The following METTL22 variants were observed in gnomAD, a reference collection of about 807,000 sequenced individuals.
METTL22 encodes methyltransferase 22, Kin17 lysine, also known as methyltransferase-like protein 22.
Under a neutral mutation model 48.4 loss-of-function variants are expected in METTL22, and 51 were observed. That is an observed-to-expected ratio of 1.05 (90% CI 0.84 to 1.33). The LOEUF (loss-of-function observed/expected upper bound fraction) is 1.33, where lower values mean the gene tolerates loss of function less well. METTL22 is among the 40% of genes most tolerant of loss of function. METTL22 has a pLI of 0.00. For missense variants in METTL22, 678 were observed against 526.9 expected, an observed-to-expected ratio of 1.29 and a Z score of -2.81; for synonymous variants, 255 against 214.1, an observed-to-expected ratio of 1.19 and a Z score of -1.67.
chr16:8,642,513 C>G lies in METTL22; in HGVS notation c.958C>G (p.Leu320Val). 6.2e-7 allele frequency: 1 copy of G among 1,614,248 alleles called. No homozygotes were observed. The highest frequency in any genetic ancestry group is 1.1e-5 in the South Asian group (1 of 91,084). The change falls in exon 9 of 11, where the codon CTC becomes GTC. Residue 320 changes from leucine (L) to valine (V), a missense_variant. Leu to Val is a conservative substitution (Grantham distance 32). Coordinates refer to ENST00000381920, the MANE Select transcript of METTL22 (RefSeq NM_024109.4). ...TDAVFKTLSR[L>V]AHRLKNACTA... ...TGCTGTGTTTAAAACGCTCTCCCGACTCGCCCACAGATTGAAAAATGCCTG... is the reference window on the plus strand; with the variant it reads ...TGCTGTGTTTAAAACGCTCTCCCGAGTCGCCCACAGATTGAAAAATGCCTG...
chr16:8,630,640 G>A (rs948493659), intron 3 of METTL22, among the ~76,000 whole-genome samples: 1 of 152,176 alleles, frequency 6.6e-6, no homozygotes, highest in Non-Finnish European at 1.5e-5. Flanking sequence ...TGTTGTGTCT[G>A]TAGTGAATGT....
chr16:8,663,668 G>T, the METTL22 span, among the ~76,000 whole-genome samples: 1 of 152,138 alleles, frequency 6.6e-6, no homozygotes, highest in Non-Finnish European at 1.5e-5. Flanking sequence ...CAGCCCTGTG[G>T]GGTAAGTACT....
chr16:8,630,999 C>T (rs1567231357), intron 3 of METTL22, among the ~76,000 whole-genome samples: 1 of 152,210 alleles, frequency 6.6e-6, no homozygotes, highest in Non-Finnish European at 1.5e-5. Context: ...CACTCAGAAC[C>T]ACATGGTCAG....
chr16:8,646,008 T>C, intron 10 of METTL22, 100 bp from the exon 11 acceptor site: 1 of 1,559,956 alleles, frequency 6.4e-7, no homozygotes, highest in Non-Finnish European at 8.7e-7. Flanking sequence ...GGCTGACGTG[T>C]TGTCTAACTA....
chr16:8,630,538 G>A (rs1455398518), intron 3 of METTL22, among the ~76,000 whole-genome samples: 1 of 152,126 alleles, frequency 6.6e-6, no homozygotes, highest in East Asian at 1.9e-4. Context: ...GCTTCTCAGG[G>A]GGGCCGACGA....
intron 1 of METTL22, among the ~76,000 whole-genome samples, chr16:8,622,526 A>G (rs2055887980): frequency 6.6e-6 from 1 of 152,190 alleles, no homozygotes; most frequent in South Asian, 2.1e-4. Context: ...CCCAGTAAAG[A>G]GAGGAGCCCG....
At chr16:8,639,913 G>A (rs941658258) in intron 6 of METTL22, among the ~76,000 whole-genome samples, 2 of 151,710 alleles carry the variant, frequency 1.3e-5, no homozygotes, top group Non-Finnish European at 2.9e-5. Context: ...CGACCTCACC[G>A]TCTTTCAAAT....
chr16:8,650,117 G>A (rs138182639), downstream of METTL22, among the ~76,000 whole-genome samples: 12 of 152,340 alleles, frequency 7.9e-5, no homozygotes, highest in African/African-American at 2.9e-4. Context: ...CTTGAGGACA[G>A]GAGTTTGAGA....
At chr16:8,655,296 G>A in the METTL22 span, among the ~76,000 whole-genome samples, 1 of 152,150 alleles carries the variant, frequency 6.6e-6, no homozygotes, top group African/African-American at 2.4e-5. Context: ...CCACATTGAG[G>A]CTCCCTCTTG....
chr16:8,622,550 C>T (rs2055889282), intron 1 of METTL22, among the ~76,000 whole-genome samples: 1 of 152,172 alleles, frequency 6.6e-6, no homozygotes, highest in Non-Finnish European at 1.5e-5. Flanking sequence ...CCCATACAGA[C>T]CCTGCATTTC....
chr16:8,637,672 G>A (rs2056463454), intron 5 of METTL22, among the ~76,000 whole-genome samples: 1 of 152,192 alleles, frequency 6.6e-6, no homozygotes, highest in Non-Finnish European at 1.5e-5. Flanking sequence ...GTCACGTGGT[G>A]GAATTTCAGA....
intron 8 of METTL22, 97 bp downstream of exon 8, chr16:8,642,304 T>C: frequency 1.5e-6 from 2 of 1,303,196 alleles, no homozygotes; most frequent in Non-Finnish European, 2.2e-6. Context: ...GTTTTAGAAG[T>C]GACTTTCTGG....
the METTL22 span, among the ~76,000 whole-genome samples, chr16:8,655,092 T>C: frequency 1.3e-5 from 2 of 152,218 alleles, no homozygotes; most frequent in Non-Finnish European, 2.9e-5. Context: ...GGAAAGGAAC[T>C]GTATTATCTA....
intron 5 of METTL22, 71 bp from the exon 6 acceptor site, chr16:8,639,020 C>A: frequency 7.3e-7 from 1 of 1,374,686 alleles, no homozygotes; most frequent in Non-Finnish European, 9.7e-7. Context: ...ACAGCTCTCT[C>A]TAGGCAAAAA....
At chr16:8,644,400 G>T in intron 9 of METTL22, 157 bp from the exon 10 acceptor site, 1 of 664,940 alleles carries the variant, frequency 1.5e-6, no homozygotes, top group South Asian at 2.2e-5. Context: ...ATGTAGGAAG[G>T]AATTGCACTC....
rs758492493 is a variant in METTL22 at position 8,646,568 on chromosome 16, C to A, written c.*425C>A. On this transcript the variant is annotated 3_prime_UTR_variant, in exon 11 of 11. Transcript: ENST00000381920. Reference sequence around the variant, plus strand: ...CCAGTATTGCCATCATATTGCCGCTCGGCACAAAAGCCTCATTTCCTCCCA... The same window carrying A: ...CCAGTATTGCCATCATATTGCCGCTAGGCACAAAAGCCTCATTTCCTCCCA... 2 of 467,736 alleles carry A rather than the reference C, an allele frequency of 4.3e-6. No homozygotes were observed. The highest frequency in any genetic ancestry group is 3.1e-5 in the South Asian group (2 of 64,646). The allele number at this position is 467,736 out of a possible 1,614,324, so 29.0% of individuals were successfully genotyped here. A position where few individuals can be genotyped will look rare whatever the true frequency, so the allele number is the denominator to read the frequency against.
rs148083343 is a variant in METTL22, at chr16:8,622,206, C to G, written c.-171+431C>G. Among the ~76,000 whole-genome samples the G allele has an allele frequency of 3.3e-3, 496 of 152,354 alleles. 2 individuals are homozygous for G. Among genetic ancestry groups the G allele is most frequent in the Non-Finnish European group, 5.3e-3 (362 of 68,034 alleles). ...CCAGCCTGGGCCTTCACACCCTGCC[C>G]TCCCCAGCTCCTGGCCTAAATCGTC... On this transcript the variant is annotated intron_variant, in intron 1 of 10. Coordinates refer to ENST00000381920, the MANE Select transcript of METTL22 (RefSeq NM_024109.4).
chr16:8,635,493 C>A (rs2056397393), intron 5 of METTL22, among the ~76,000 whole-genome samples, 181 bp downstream of exon 5: 1 of 152,180 alleles, frequency 6.6e-6, no homozygotes, highest in Non-Finnish European at 1.5e-5. Flanking sequence ...AATGACCCAG[C>A]AATACCCACT....
At chr16:8,642,658 G>T in intron 9 of METTL22, 93 bp downstream of exon 9, 1 of 1,185,046 alleles carries the variant, frequency 8.4e-7, no homozygotes. Flanking sequence ...CATTATGATT[G>T]TTACTCAGTG....
Sources: gnomAD v4.1 joint callset for allele counts (sites outside exome capture counted in the v4.1 genomes callset) on GRCh38, gnomAD v4.1.1 for gene constraint, MANE v1.5 for transcripts, NCBI Gene and HGNC (gene_info 2026-07-23, HGNC 2026-07-21) for gene names.